PPM1E: variants seen among roughly 807,000 people sequenced by gnomAD.
The protein encoded by PPM1E is protein phosphatase, Mg2+/Mn2+ dependent 1E, also known as protein phosphatase 1E.
In PPM1E, 20 loss-of-function variants were observed where a neutral mutation model predicts 65.9. The ratio of observed to expected loss-of-function variants is 0.30; its 90% CI spans 0.21 to 0.44. The LOEUF (loss-of-function observed/expected upper bound fraction) is 0.44. Among genes scored for constraint, PPM1E ranks in the 20% least tolerant of loss-of-function variants. The pLI is 1.00. For synonymous variants in PPM1E, 352 were observed against 374.9 expected, an observed-to-expected ratio of 0.94 and a Z score of 0.70; for missense variants, 713 against 953.1, an observed-to-expected ratio of 0.75 and a Z score of 3.32.
chr17:58,805,106 AT>A (rs758595939), intron 1 of PPM1E, among the ~76,000 whole-genome samples: 1 of 151,332 alleles, frequency 6.6e-6, no homozygotes, highest in African/African-American at 2.4e-5. Flanking sequence ...TAAAATTTTT[AT>A]TTTTTATATA....
intron 1 of PPM1E, among the ~76,000 whole-genome samples, chr17:58,953,384 G>A (rs1171864446): frequency 6.6e-6 from 1 of 152,168 alleles, no homozygotes; most frequent in Non-Finnish European, 1.5e-5. Context: ...CTCATGTGGA[G>A]ATCACATGTT....
chr17:58,771,657 G>T (rs1432226601), intron 1 of PPM1E, among the ~76,000 whole-genome samples: 1 of 147,302 alleles, frequency 6.8e-6, no homozygotes, highest in East Asian at 2.0e-4. Context: ...AAAAAAGAAA[G>T]AAAAGGAAAA....
At position 58,932,534 on chromosome 17, in the gene PPM1E, T is replaced by G. The variant is rs138729897; in HGVS notation, c.465-23115T>G. 2.3e-3 allele frequency among the ~76,000 whole-genome samples: 343 copies of G among 152,140 alleles called. 6 individuals are homozygous for G. The highest frequency in any genetic ancestry group is 0.016 in the Admixed American group (247 of 15,274). On this transcript the variant is annotated intron_variant, in intron 1 of 6. Transcript: ENST00000308249. ...AAATCTAAGAACTAATTTATTAACA[T>G]AAATTATAAAAACAAACAAACAAAC...
At chr17:58,961,421 G>C (rs2030027293) in intron 2 of PPM1E, among the ~76,000 whole-genome samples, 3 of 152,162 alleles carry the variant, frequency 2.0e-5, no homozygotes. Flanking sequence ...GACAGACCTA[G>C]GATTGAGAAT....
At chr17:58,759,706 T>C (rs2049804508) in intron 1 of PPM1E, among the ~76,000 whole-genome samples, 1 of 152,226 alleles carries the variant, frequency 6.6e-6, no homozygotes. Context: ...GGGAAACCAA[T>C]ATCCCAAGAG....
At chr17:58,947,214 T>G (rs1359909114) in intron 1 of PPM1E, among the ~76,000 whole-genome samples, 2 of 140,270 alleles carry the variant, frequency 1.4e-5, no homozygotes, top group Non-Finnish European at 3.0e-5. Flanking sequence ...GGATTACAAG[T>G]GTGAGCCACA....
At chr17:58,902,198 G>T (rs1396588252) in intron 1 of PPM1E, among the ~76,000 whole-genome samples, 2 of 152,056 alleles carry the variant, frequency 1.3e-5, no homozygotes, top group East Asian at 1.9e-4. Context: ...GAAGTAAGCT[G>T]TTATTTCTGT....
chr17:58,873,565 G>GTAATTAT (rs150532868), intron 1 of PPM1E, among the ~76,000 whole-genome samples: 1 of 141,012 alleles, frequency 7.1e-6, no homozygotes, highest in African/African-American at 2.6e-5. Flanking sequence ...AATGCTCATA[G>GTAATTAT]TATTATTATT....
intron 1 of PPM1E, among the ~76,000 whole-genome samples, chr17:58,877,074 C>T (rs1208773509): frequency 1.3e-5 from 2 of 152,186 alleles, no homozygotes; most frequent in Non-Finnish European, 2.9e-5. Flanking sequence ...TGAGCCACCG[C>T]GCCTGGCCAA....
chr17:58,882,633 C>T (rs566180179), intron 1 of PPM1E, among the ~76,000 whole-genome samples: 103 of 152,186 alleles, frequency 6.8e-4, no homozygotes, highest in African/African-American at 2.4e-3. Context: ...TCAAGTGATC[C>T]GCTCACCTCA....
chr17:58,762,485 A>G (rs1315335723), intron 1 of PPM1E, among the ~76,000 whole-genome samples: 3 of 152,112 alleles, frequency 2.0e-5, no homozygotes, highest in Admixed American at 6.6e-5. Flanking sequence ...TTTCTATGAC[A>G]AAATCATGAG....
intron 1 of PPM1E, among the ~76,000 whole-genome samples, chr17:58,804,963 C>T (rs981164369): frequency 6.6e-6 from 1 of 151,950 alleles, no homozygotes; most frequent in Non-Finnish European, 1.5e-5. Context: ...TCTGCTATGC[C>T]TTCTATCTAA....
rs1352832108 is a variant in PPM1E, at chr17:58,756,322, C to A, written c.325C>A (p.Pro109Thr). The A allele has an allele frequency of 2.0e-6, 3 of 1,475,526 alleles. No homozygotes were observed. Among genetic ancestry groups the A allele is most frequent in the South Asian group, 2.8e-5 (2 of 72,666 alleles). The allele number at this position is 1,475,526 out of a possible 1,614,324, so 91.4% of individuals were successfully genotyped here. ...GGGCGCGGCGACGGCGGCGGCAGCC[C>A]CGGGGCACTCGGCCGTGCCGCCGCC... is the stretch of plus-strand genomic sequence containing the variant. ...EEGAATAAAA[P>T]GHSAVPPPPP... Residue 109 changes from proline (P) to threonine (T), a missense_variant, in exon 1 of 7, where the codon CCG becomes ACG. By Grantham distance (38) the Pro-to-Thr change is conservative (BLOSUM62 -1). This residue lies in a region of PPM1E where 212 missense variants were observed against 204.0 expected (regional missense o/e 1.04). Coordinates refer to ENST00000308249, the MANE Select transcript of PPM1E (RefSeq NM_014906.5).
chr17:58,948,085 G>T lies in PPM1E; in HGVS notation c.465-7564G>T, dbSNP rs368825036. Among the ~76,000 whole-genome samples, 65 of 152,234 alleles carry T rather than the reference G, an allele frequency of 4.3e-4. No homozygotes were observed. In the East Asian group the frequency reaches 9.4e-3, roughly 22 times the overall value. ...AGAAGAGGAAGCCGGGGGAAGCCAC[G>T]TGGCCTTTTATGAACAAACTTCAAA... On this transcript the variant is annotated intron_variant, in intron 1 of 6. Coordinates refer to ENST00000308249, the MANE Select transcript of PPM1E (RefSeq NM_014906.5).
At chr17:58,758,584 G>T (rs1487909801) in intron 1 of PPM1E, among the ~76,000 whole-genome samples, 1 of 151,704 alleles carries the variant, frequency 6.6e-6, no homozygotes, top group Admixed American at 6.6e-5. Context: ...AAACTGAAAT[G>T]ATAAAATGGC....
chr17:58,768,400 A>T (rs569482990), intron 1 of PPM1E, among the ~76,000 whole-genome samples: 3 of 152,268 alleles, frequency 2.0e-5, no homozygotes, highest in African/African-American at 4.8e-5. Flanking sequence ...TTCTCTAAAG[A>T]TACGTTATTT....
At chr17:58,923,760 A>T (rs2051785545) in intron 1 of PPM1E, among the ~76,000 whole-genome samples, 1 of 151,262 alleles carries the variant, frequency 6.6e-6, no homozygotes, top group Non-Finnish European at 1.5e-5. Context: ...AAAAAAAAAA[A>T]AAAAGTCATT....
At chr17:58,957,837 A>G (rs1326396533) in intron 2 of PPM1E, among the ~76,000 whole-genome samples, 17 of 152,228 alleles carry the variant, frequency 1.1e-4, no homozygotes, top group Admixed American at 1.1e-3. Flanking sequence ...ACTTTTGTCC[A>G]GACAACCTAA....
intron 1 of PPM1E, among the ~76,000 whole-genome samples, chr17:58,773,174 T>A (rs1376051323): frequency 6.6e-6 from 1 of 152,106 alleles, no homozygotes; most frequent in Non-Finnish European, 1.5e-5. Flanking sequence ...TTTTAGAGGA[T>A]AAATGTACTA....
Sources: gnomAD v4.1 joint callset for allele counts (sites outside exome capture counted in the v4.1 genomes callset) on GRCh38, gnomAD v4.1.1 for gene constraint, gnomAD v4.1.1 regional missense constraint, MANE v1.5 for transcripts, NCBI Gene and HGNC (gene_info 2026-07-23, HGNC 2026-07-21) for gene names.